Variants in GSE1 observed in about 807,000 individuals in gnomAD.
The protein encoded by GSE1 is Gse1 coiled-coil protein.
Under a neutral mutation model 112.6 loss-of-function variants are expected in GSE1, and 32 were observed. The ratio of observed to expected loss-of-function variants is 0.28; its 90% confidence interval spans 0.21 to 0.38. The LOEUF (loss-of-function observed/expected upper bound fraction) is 0.38. Among genes scored for constraint, GSE1 ranks in the 10% least tolerant of loss-of-function variants. The pLI is 1.00. For missense variants in GSE1, 2,348 were observed against 1,699.2 expected (o/e 1.38, Z -6.71); for synonymous variants, 1,115 against 735.6 (o/e 1.52, Z -8.35).
chr16:85,556,852 C>T (rs892153223), intron 1 of GSE1, among the ~76,000 whole-genome samples: 6 of 151,786 alleles, frequency 4.0e-5, no homozygotes, highest in African/African-American at 1.2e-4. Context: ...CCGCCGCCCC[C>T]CTTCCTGCCT....
At chr16:85,292,778 G>A (rs1376078778) in intron 1 of GSE1, among the ~76,000 whole-genome samples, 6 of 152,192 alleles carry the variant, frequency 3.9e-5, no homozygotes, top group Non-Finnish European at 8.8e-5. Context: ...CCACTGGTAA[G>A]TGTACAGTTC....
chr16:85,625,027 C>A (rs768594198), intron 1 of GSE1, among the ~76,000 whole-genome samples: 2 of 152,178 alleles, frequency 1.3e-5, no homozygotes, highest in African/African-American at 4.8e-5. Flanking sequence ...GTACCTTGAT[C>A]GCTGTTGGTG....
At chr16:85,463,106 G>C in intron 2 of GSE1, 14 of 985,204 alleles carry the variant, frequency 1.4e-5, no homozygotes, top group Non-Finnish European at 1.7e-5. Flanking sequence ...AGACCTGGTC[G>C]TCTCTGCTCC....
intron 1 of GSE1, among the ~76,000 whole-genome samples, chr16:85,242,751 T>C (rs1324189271): frequency 6.6e-6 from 1 of 152,230 alleles, no homozygotes; most frequent in African/African-American, 2.4e-5. Flanking sequence ...GGGTGGAGCC[T>C]GGGCTTGGAC....
At chr16:85,575,902 G>GTT (rs11331736) in intron 1 of GSE1, among the ~76,000 whole-genome samples, 12 of 132,620 alleles carry the variant, frequency 9.0e-5, no homozygotes, top group Non-Finnish European at 1.7e-4. Context: ...CCTCGTTTCT[G>GTT]TTTTTTTTTT....
intron 1 of GSE1, among the ~76,000 whole-genome samples, chr16:85,573,765 TCTC>T (rs1045717067): frequency 6.6e-6 from 1 of 152,182 alleles, no homozygotes; most frequent in African/African-American, 2.4e-5. Context: ...GGGAAGCATT[TCTC>T]CTCCTCCGGC....
intron 1 of GSE1, among the ~76,000 whole-genome samples, chr16:85,624,864 G>A (rs1598426797): frequency 6.6e-6 from 1 of 152,230 alleles, no homozygotes; most frequent in African/African-American, 2.4e-5. Flanking sequence ...GGAATCGGCC[G>A]GCATGGGTGA....
chr16:85,180,392 A>G (rs1021114086), intron 1 of GSE1, among the ~76,000 whole-genome samples: 9 of 152,178 alleles, frequency 5.9e-5, no homozygotes, highest in African/African-American at 2.2e-4. Flanking sequence ...TATCCTGCCC[A>G]TCATTAGTGT....
rs148826693 is a variant in GSE1, at chr16:85,179,689, C to T, written c.2283+7882C>T. On this transcript the variant is annotated intron_variant, in intron 1 of 2. Transcript: ENST00000637419. ...CTGCCTGCAGTCCATCCTCTTACTC[C>T]TGGTCTTCAGGCAGTGGATTTGTGT... Among the ~76,000 whole-genome samples the T allele has an allele frequency of 7.9e-5, 12 of 152,304 alleles. No individual in the cohort carries two copies. In the East Asian group the frequency reaches 2.3e-3, roughly 29 times the overall value.
intron 2 of GSE1, among the ~76,000 whole-genome samples, chr16:85,458,799 T>A (rs1048922134): frequency 6.6e-6 from 1 of 152,120 alleles, no homozygotes; most frequent in African/African-American, 2.4e-5. Flanking sequence ...AGGTCCCCTG[T>A]GCTGCAGGAG....
intron 1 of GSE1, among the ~76,000 whole-genome samples, chr16:85,567,041 C>A (rs572011924): frequency 7.3e-6 from 1 of 137,498 alleles, no homozygotes; most frequent in African/African-American, 2.7e-5. Context: ...CCCGCCCCCA[C>A]CCCCACCCCC....
Position 85,643,374 on chromosome 16 carries a change from G to A in GSE1, c.227-5178G>A, listed in dbSNP as rs2050601623. 2.0e-5 allele frequency among the ~76,000 whole-genome samples: 3 copies of A among 152,222 alleles called. No homozygotes were observed. In the South Asian group the frequency reaches 6.2e-4, roughly 32 times the overall value. On this transcript the variant is annotated intron_variant, in intron 2 of 15. Transcript: ENST00000253458. ...TGGCGTTGTGGGGGCATCGATCGAG[G>A]CTGAGCTGGCTGGTCTGATGAGTAG...
chr16:85,633,771 C>G, intron 1 of GSE1, 143 bp from the exon 2 acceptor site: 2 of 630,370 alleles, frequency 3.2e-6, no homozygotes, highest in Admixed American at 2.8e-5. Flanking sequence ...TGGCTCTGTC[C>G]TGTTCTTGCT....
intron 2 of GSE1, among the ~76,000 whole-genome samples, chr16:85,645,259 A>G (rs2050759317): frequency 6.6e-6 from 1 of 152,022 alleles, no homozygotes; most frequent in South Asian, 2.1e-4. Context: ...CACCTGGGCC[A>G]GATCCTGGTG....
Position 85,467,086 on chromosome 16 carries a change from G to C in GSE1, c.2464+109443G>C, listed in dbSNP as rs1025156985. On this transcript the variant is annotated intron_variant, in intron 2 of 2. Coordinates refer to the GSE1 transcript ENST00000637419. ...AAAAGGAAGAGGCCAGGTAGGAAGT[G>C]GGGCAGGGTAGGCGGTAGATGGCCT... 3.9e-5 allele frequency among the ~76,000 whole-genome samples: 6 copies of C among 152,346 alleles called. No homozygotes were observed. The East Asian group carries it at 1.2e-3, about 29-fold the overall frequency.
At chr16:85,478,197 G>A (rs962491421) in intron 2 of GSE1, among the ~76,000 whole-genome samples, 11 of 152,146 alleles carry the variant, frequency 7.2e-5, no homozygotes, top group Admixed American at 2.0e-4. Flanking sequence ...AGCAGCGTGC[G>A]TCAGTACTTC....
At chr16:85,235,973 C>CGGGCCTGGGCCTGGGCCTGGGCCT in intron 1 of GSE1, among the ~76,000 whole-genome samples, 1 of 151,330 alleles carries the variant, frequency 6.6e-6, no homozygotes, top group South Asian at 2.1e-4. Flanking sequence ...CCTCCGGCGC[C>CGGGCCTGGGCCTGGGCCTGGGCCT]GGGCCTGGGC....
chr16:85,281,061 C>T (rs978798488), intron 1 of GSE1, among the ~76,000 whole-genome samples: 1 of 152,176 alleles, frequency 6.6e-6, no homozygotes, highest in Admixed American at 6.5e-5. Context: ...GCTCTCCCTG[C>T]TCTAAAGTCA....
At chr16:85,572,989 C>T (rs546117750) in intron 1 of GSE1, among the ~76,000 whole-genome samples, 45 of 152,266 alleles carry the variant, frequency 3.0e-4, no homozygotes, top group African/African-American at 9.9e-4. Flanking sequence ...CCTGTCTCAG[C>T]CTCCTGAGTA....
Sources: gnomAD v4.1 joint callset for allele counts (sites outside exome capture counted in the v4.1 genomes callset) on GRCh38, gnomAD v4.1.1 for gene constraint, MANE v1.5 for transcripts, NCBI Gene and HGNC (gene_info 2026-07-23, HGNC 2026-07-21) for gene names.